Variants in RAD52 observed in about 807,000 individuals in gnomAD.
The protein encoded by RAD52 is DNA repair protein RAD52 homolog.
Under a neutral mutation model 55.5 loss-of-function variants are expected in RAD52, and 47 were observed. The ratio of observed to expected loss-of-function variants is 0.85; its 90% CI spans 0.67 to 1.08. The LOEUF (loss-of-function observed/expected upper bound fraction) is 1.08. RAD52 is among the 50% of genes least tolerant of loss of function. RAD52 has a pLI of 0.00. For missense variants in RAD52, 468 were observed against 522.8 expected (o/e 0.90, Z 1.02); for synonymous variants, 184 against 198.9 (o/e 0.92, Z 0.63).
chr12:947,005 A>G (rs1365327624), intron 1 of RAD52, among the ~76,000 whole-genome samples: 1 of 152,202 alleles, frequency 6.6e-6, no homozygotes, highest in East Asian at 1.9e-4. Context: ...CGGCCTGGTA[A>G]GTGGTGAACT....
Position 947,374 on chromosome 12 carries a change from G to A in RAD52, c.-19+2228C>T, listed in dbSNP as rs535842327. Among the ~76,000 whole-genome samples the A allele has an allele frequency of 1.7e-3, 257 of 151,064 alleles. 1 individual carries two copies. Among genetic ancestry groups the A allele is most frequent in the African/African-American group, 5.7e-3 (235 of 41,064 alleles). ...AAAAAAACAAAACTCCCGCCCAGGT[G>A]TGGTGGCTCACACCTGTAATCCCAG... On this transcript the variant is annotated intron_variant, in intron 1 of 11. Transcript: ENST00000358495.
Position 927,868 on chromosome 12 carries a change from A to G in RAD52, c.349-605T>C, listed in dbSNP as rs1003201528. Among the ~76,000 whole-genome samples the G allele has an allele frequency of 4.1e-5, 6 of 147,544 alleles. No individual in the cohort carries two copies. The East Asian group carries it at 7.9e-4, about 19-fold the overall frequency. ...GTGATAGAGTGAGACTACGTCTTGGAAAAAAAAAAACCTCTGGGATATGAA... is the reference window on the plus strand; with the variant it reads ...GTGATAGAGTGAGACTACGTCTTGGGAAAAAAAAAACCTCTGGGATATGAA... On this transcript the variant is annotated intron_variant, in intron 5 of 11. Transcript: ENST00000358495.
intron 1 of RAD52, among the ~76,000 whole-genome samples, chr12:936,235 C>T (rs944799935): frequency 1.3e-5 from 2 of 151,702 alleles, no homozygotes; most frequent in Admixed American, 1.3e-4. Context: ...ACCCGGGAGG[C>T]GGAGGTTGCA....
chr12:924,981 G>T (rs866767194), intron 7 of RAD52, among the ~76,000 whole-genome samples: 2 of 145,592 alleles, frequency 1.4e-5, no homozygotes, highest in South Asian at 4.4e-4. Flanking sequence ...GACGGAGTCT[G>T]GCTCTGTCGC....
intron 3 of RAD52, 107 bp downstream of exon 3, chr12:931,113 A>C: frequency 1.2e-6 from 1 of 837,172 alleles, no homozygotes. Flanking sequence ...CTCCAGGAAC[A>C]GTTAACAGCA....
intron 11 of RAD52, 90 bp from the exon 12 acceptor site, chr12:913,542 AT>A: frequency 9.7e-7 from 1 of 1,035,632 alleles, no homozygotes; most frequent in Non-Finnish European, 1.5e-6. Flanking sequence ...AATGATCCTA[AT>A]TTAGACTAAG....
Position 931,335 on chromosome 12 carries a change from A to C in RAD52, c.85-14T>G, listed in dbSNP as rs758902856. The C allele has an allele frequency of 1.3e-6, 2 of 1,547,058 alleles. No individual in the cohort carries two copies. Among genetic ancestry groups the C allele is most frequent in the Non-Finnish European group, 8.7e-7 (1 of 1,143,758 alleles). ...TGTGTACTGGCACTGCAACCCCAAAAAAGAAAATTAAATTCACACTTCCAC... is the reference window on the plus strand; with the variant it reads ...TGTGTACTGGCACTGCAACCCCAAACAAGAAAATTAAATTCACACTTCCAC... On this transcript the variant is annotated splice_polypyrimidine_tract_variant and intron_variant, in intron 2 of 11. Coordinates refer to ENST00000358495, the MANE Select transcript of RAD52 (RefSeq NM_134424.4).
intron 1 of RAD52, among the ~76,000 whole-genome samples, chr12:982,897 T>C (rs1959038041): frequency 6.6e-6 from 1 of 151,640 alleles, no homozygotes; most frequent in African/African-American, 2.4e-5. Context: ...TCAAGCAGGC[T>C]GGAGTGCAGT....
chr12:987,893 C>G (rs1959106582), intron 1 of RAD52, among the ~76,000 whole-genome samples: 1 of 152,186 alleles, frequency 6.6e-6, no homozygotes, highest in East Asian at 1.9e-4. Context: ...GAAATAAGGT[C>G]TCTTGCTCTG....
At chr12:945,909 G>GCTA (rs1478195262) in intron 1 of RAD52, among the ~76,000 whole-genome samples, 6 of 151,826 alleles carry the variant, frequency 4.0e-5, no homozygotes, top group Non-Finnish European at 8.8e-5. Flanking sequence ...TGTAATCCCA[G>GCTA]CTACTCGGGA....
At chr12:957,547 A>C (rs940377357) in intron 1 of RAD52, among the ~76,000 whole-genome samples, 2 of 148,734 alleles carry the variant, frequency 1.3e-5, no homozygotes, top group African/African-American at 4.9e-5. Context: ...GCAGTTTGGG[A>C]GGCCAAGGCG....
At chr12:925,202 C>T (rs1956965734) in intron 7 of RAD52, among the ~76,000 whole-genome samples, 1 of 152,110 alleles carries the variant, frequency 6.6e-6, no homozygotes. Context: ...CACCTGCCTC[C>T]ACCTCCCAAA....
chr12:966,557 T>C (rs1204923609), intron 1 of RAD52, among the ~76,000 whole-genome samples: 1 of 152,072 alleles, frequency 6.6e-6, no homozygotes, highest in East Asian at 1.9e-4. Flanking sequence ...TGGTTTTCTG[T>C]TTGTTTTCGC....
intron 1 of RAD52, among the ~76,000 whole-genome samples, chr12:954,720 G>C (rs1958582033): frequency 6.6e-6 from 1 of 151,970 alleles, no homozygotes; most frequent in African/African-American, 2.4e-5. Context: ...TCTCTTTCTG[G>C]TTGTAGGTTG....
chr12:968,908 T>TAC (rs887206667), intron 1 of RAD52, among the ~76,000 whole-genome samples: 18 of 151,616 alleles, frequency 1.2e-4, no homozygotes, highest in East Asian at 7.7e-4. Context: ...TTGGTGAGTA[T>TAC]ACACACACAC....
intron 1 of RAD52, among the ~76,000 whole-genome samples, chr12:934,324 G>A (rs1162848083): frequency 6.6e-6 from 1 of 151,842 alleles, no homozygotes; most frequent in African/African-American, 2.4e-5. Flanking sequence ...TTAGCCGGGT[G>A]TGGTAGTGCG....
At chr12:981,804 A>ATAAAATAAAATAAAG (rs1408155110) in intron 1 of RAD52, among the ~76,000 whole-genome samples, 1 of 152,076 alleles carries the variant, frequency 6.6e-6, no homozygotes, top group African/African-American at 2.4e-5. Flanking sequence ...ATAAAATAAA[A>ATAAAATAAAATAAAG]TAAAACCTAG....
At chr12:967,207 CGTT>C (rs1371381015) in intron 1 of RAD52, among the ~76,000 whole-genome samples, 1 of 151,702 alleles carries the variant, frequency 6.6e-6, no homozygotes, top group Admixed American at 6.6e-5. Context: ...GGTGAAACCC[CGTT>C]TCTACTGAAA....
intron 9 of RAD52, among the ~76,000 whole-genome samples, chr12:915,686 G>A (rs1956322974): frequency 6.6e-6 from 1 of 151,658 alleles, no homozygotes; most frequent in Non-Finnish European, 1.5e-5. Context: ...TGTATTCGAA[G>A]ATATCTCAGA....
Sources: gnomAD v4.1 joint callset for allele counts (sites outside exome capture counted in the v4.1 genomes callset) on GRCh38, gnomAD v4.1.1 for gene constraint, MANE v1.5 for transcripts, NCBI Gene and HGNC (gene_info 2026-07-23, HGNC 2026-07-21) for gene names.